Variants in DMD observed in about 807,000 individuals in gnomAD.
DMD encodes the protein mutant dystrophin.
In DMD, 63 loss-of-function variants were observed where a neutral mutation model predicts 330.1. The ratio of observed to expected loss-of-function variants is 0.19; its 90% confidence interval spans 0.16 to 0.24. The LOEUF (loss-of-function observed/expected upper bound fraction) is 0.24, where lower values mean the gene tolerates loss of function less well. DMD is among the 10% of genes least tolerant of loss of function. DMD has a pLI of 1.00. For missense variants in DMD, 3,344 were observed against 2,684.1 expected, an observed-to-expected ratio of 1.25 and a Z score of -5.43; for synonymous variants, 1,223 against 959.8, an observed-to-expected ratio of 1.27 and a Z score of -5.07.
chrX:32,456,581 T>A (rs1199094355), intron 25 of DMD, among the ~76,000 whole-genome samples: 30 of 4,385 alleles, frequency 6.8e-3, no homozygotes, highest in African/African-American at 0.016. Context: ...ACATACTTTG[T>A]GTGTGTGTGT....
intron 12 of DMD, among the ~76,000 whole-genome samples, chrX:32,596,703 G>C (rs868524298): frequency 9.1e-6 from 1 of 109,614 alleles, no homozygotes; most frequent in Non-Finnish European, 1.9e-5. Context: ...ACACCACCAC[G>C]CCCAGCTAAT....
chrX:32,341,388 G>A (rs915146804), intron 41 of DMD, among the ~76,000 whole-genome samples: 1 of 111,993 alleles, frequency 8.9e-6, no homozygotes, highest in African/African-American at 3.2e-5. Flanking sequence ...AAATAAAGAA[G>A]TGAGACCAAG....
intron 2 of DMD, among the ~76,000 whole-genome samples, chrX:32,983,888 A>C (rs2092776034): frequency 9.0e-6 from 1 of 111,354 alleles, no homozygotes; most frequent in African/African-American, 3.3e-5. Context: ...AGCAAGCTGA[A>C]CTTTCAGCAA....
At chrX:32,271,039 T>C (rs1034026091) in intron 43 of DMD, among the ~76,000 whole-genome samples, 1 of 111,471 alleles carries the variant, frequency 9.0e-6, no homozygotes, top group Non-Finnish European at 1.9e-5. Context: ...AGGATGCTAC[T>C]ATTTTATGGA....
chrX:32,160,447 C>T (rs2096845477), intron 44 of DMD, among the ~76,000 whole-genome samples: 1 of 109,949 alleles, frequency 9.1e-6, no homozygotes, highest in African/African-American at 3.3e-5. Context: ...GTTGGCCAGG[C>T]TGGTCTCGAA....
rs145734401 is a variant in DMD, at chrX:32,119,372, T to G, written c.6438+97544A>C. Among the ~76,000 whole-genome samples the G allele has an allele frequency of 1.0e-2, 1,074 of 107,550 alleles. 8 individuals carry two copies. The highest frequency in any genetic ancestry group is 0.035 in the African/African-American group (1,015 of 29,386). The allele number at this position is 107,550 out of a possible 115,157, so 93.4% of individuals were successfully genotyped here. A position where few individuals can be genotyped will look rare whatever the true frequency, so the allele number is the denominator to read the frequency against. ...GCCAAAAGGATTAGAGCACAGAGGA[T>G]TGGCAGTCTTGAGAACTAACGTAAC... On this transcript the variant is annotated intron_variant, in intron 44 of 78. Transcript: ENST00000357033.
At chrX:32,821,380 C>T (rs900363597) in intron 5 of DMD, among the ~76,000 whole-genome samples, 44 of 109,547 alleles carry the variant, frequency 4.0e-4, no homozygotes, top group Non-Finnish European at 7.8e-4. Context: ...GTCAGGAGAT[C>T]GAGACCATCC....
chrX:32,364,832 G>C, intron 35 of DMD, 122 bp from the exon 36 acceptor site: 1 of 827,601 alleles, frequency 1.2e-6, no homozygotes, highest in Non-Finnish European at 1.7e-6. Context: ...GTTTTAAGTG[G>C]TATTTTCATA....
chrX:33,220,376 T>A (rs1341348340), intron 1 of DMD, among the ~76,000 whole-genome samples: 2 of 111,868 alleles, frequency 1.8e-5, no homozygotes, highest in Non-Finnish European at 3.8e-5. Flanking sequence ...GTAGAAAATA[T>A]GATCAAGGAT....
chrX:32,819,714 G>A lies in DMD; in HGVS notation c.358-3074C>T, dbSNP rs780529371. ...TTGCATTAGAAAAAGGGGCCAACAT[G>A]GTTCTATCTGTAAATGCCGCTCGTT... On this transcript the variant is annotated intron_variant, in intron 5 of 78. Coordinates refer to ENST00000357033, the MANE Select transcript of DMD (RefSeq NM_004006.3). 5.5e-5 allele frequency among the ~76,000 whole-genome samples: 6 copies of A among 109,946 alleles called. No individual in the cohort carries two copies. The South Asian group carries it at 2.3e-3, about 43-fold the overall frequency.
intron 2 of DMD, among the ~76,000 whole-genome samples, chrX:32,858,448 G>A (rs1488910750): frequency 8.9e-6 from 1 of 111,796 alleles, no homozygotes; most frequent in Non-Finnish European, 1.9e-5. Context: ...TCCTGCCTCA[G>A]CCTCCCAAGT....
At chrX:33,040,717 A>G (rs1200682045) in intron 1 of DMD, among the ~76,000 whole-genome samples, 7 of 111,499 alleles carry the variant, frequency 6.3e-5, no homozygotes, top group Admixed American at 3.8e-4. Flanking sequence ...AGCTATACCT[A>G]TTTCCAAGAT....
At chrX:32,155,060 G>GTT (rs201936359) in intron 44 of DMD, among the ~76,000 whole-genome samples, 46 of 95,553 alleles carry the variant, frequency 4.8e-4, no homozygotes, top group Admixed American at 1.7e-3. Context: ...CCCTTGCTGT[G>GTT]TTTTTTTTTT....
At chrX:33,259,363 A>G (rs2052912929) in intron 1 of DMD, among the ~76,000 whole-genome samples, 1 of 110,265 alleles carries the variant, frequency 9.1e-6, no homozygotes, top group Non-Finnish European at 1.9e-5. Flanking sequence ...GGTTTCACTC[A>G]GTGTTGTACA....
intron 1 of DMD, among the ~76,000 whole-genome samples, chrX:33,296,061 T>C (rs1282100920): frequency 8.9e-6 from 1 of 111,832 alleles, no homozygotes; most frequent in Non-Finnish European, 1.9e-5. Context: ...ATTTTACCTA[T>C]GAGATCCAGG....
chrX:31,541,564 C>T (rs1266014702), intron 55 of DMD, among the ~76,000 whole-genome samples: 1 of 103,981 alleles, frequency 9.6e-6, no homozygotes, highest in Admixed American at 1.1e-4. Context: ...GCTCAATTCC[C>T]GCCTGTGAGT....
chrX:32,084,977 G>C (rs2096420170), intron 44 of DMD, among the ~76,000 whole-genome samples: 1 of 111,506 alleles, frequency 9.0e-6, no homozygotes, highest in African/African-American at 3.3e-5. Flanking sequence ...AAGGACCACT[G>C]TTTTCCTTCT....
intron 2 of DMD, among the ~76,000 whole-genome samples, chrX:32,907,727 T>G (rs2086843525): frequency 8.9e-6 from 1 of 112,166 alleles, no homozygotes; most frequent in Admixed American, 9.5e-5. Context: ...ATAATTCAAT[T>G]ACATAAAAAT....
At chrX:31,625,798 T>C (rs1256881154) in intron 55 of DMD, among the ~76,000 whole-genome samples, 2 of 111,163 alleles carry the variant, frequency 1.8e-5, no homozygotes, top group East Asian at 5.6e-4. Context: ...ATAGACGTAT[T>C]TTTGCCCTCA....
Sources: gnomAD v4.1 joint callset for allele counts (sites outside exome capture counted in the v4.1 genomes callset) on GRCh38, gnomAD v4.1.1 for gene constraint, MANE v1.5 for transcripts, NCBI Gene and HGNC (gene_info 2026-07-23, HGNC 2026-07-21) for gene names.